Variants in KDM4D observed in about 807,000 individuals in gnomAD.
KDM4D encodes the protein lysine-specific demethylase 4D.
For missense variants in KDM4D, 427 were observed against 674.8 expected, an observed-to-expected ratio of 0.63 and a Z score of 4.07; for synonymous variants, 254 against 249.1, an observed-to-expected ratio of 1.02 and a Z score of -0.19.
At chr11:94,985,796 A>G (rs1355163534) in intron 2 of KDM4D, among the ~76,000 whole-genome samples, 3 of 152,230 alleles carry the variant, frequency 2.0e-5, no homozygotes, top group Admixed American at 6.5e-5. Flanking sequence ...ATTTTCAACA[A>G]AAGTTTCAAG....
rs371637822 is a variant in KDM4D at position 94,998,886 on chromosome 11, G to T, written c.1514G>T (p.Ser505Ile). 17 of 1,520,952 alleles carry T rather than the reference G, an allele frequency of 1.1e-5. No homozygotes were observed. Among genetic ancestry groups the T allele is most frequent in the Non-Finnish European group, 1.5e-5 (17 of 1,134,794 alleles). 94.2% of individuals were successfully genotyped at this position (1,520,952 alleles called of 1,614,324 possible). ...GALMDKPVPL[S>I]PGLQHPVKAS... ...TTGATGGACAAGCCTGTACCACTGA[G>T]CCCAGGGCTCCAGCATCCTGTCAAG... The change falls in exon 3 of 3, where the codon AGC (serine) becomes ATC (isoleucine). Residue 505 changes from serine to isoleucine, a missense_variant. Transcript: ENST00000335080. This position sits in a 1 kb window ranked among gnomAD's most constrained non-coding sequence, Gnocchi z 6.7.
At chr11:94,992,642 A>G (rs1857944899) in intron 2 of KDM4D, among the ~76,000 whole-genome samples, 1 of 152,134 alleles carries the variant, frequency 6.6e-6, no homozygotes. Flanking sequence ...AAATTCTATA[A>G]TGTAATTTCA....
intron 2 of KDM4D, among the ~76,000 whole-genome samples, chr11:94,978,336 TTAAAA>T (rs1252320327): frequency 6.6e-6 from 1 of 152,212 alleles, no homozygotes; most frequent in African/African-American, 2.4e-5. Context: ...AAATTACATT[TTAAAA>T]TAAAGTAACA....
At position 94,996,019 on chromosome 11, in the gene KDM4D, G is replaced by C. The variant is rs185464941; in HGVS notation, c.-349-1005G>C. Among the ~76,000 whole-genome samples the C allele has an allele frequency of 2.0e-4, 31 of 152,306 alleles. No homozygotes were observed. The East Asian group carries it at 5.4e-3, about 26-fold the overall frequency. On this transcript the variant is annotated intron_variant, in intron 2 of 2. Transcript: ENST00000335080. The stretch of plus-strand genomic sequence containing the variant: ...AGGGATAGGGGACACATACTGCAAA[G>C]TCACACGGTATGAGTTAAGGAAACA...
intron 2 of KDM4D, 140 bp from the exon 3 acceptor site, chr11:94,996,884 C>T (rs1327621835): frequency 1.3e-5 from 2 of 152,484 alleles, no homozygotes; most frequent in Non-Finnish European, 2.9e-5. Context: ...TCCACATCCA[C>T]ACCTCCACTT....
intron 2 of KDM4D, among the ~76,000 whole-genome samples, chr11:94,985,642 G>A (rs1181965217): frequency 6.6e-6 from 1 of 151,776 alleles, no homozygotes; most frequent in African/African-American, 2.4e-5. Flanking sequence ...TGAAAAAAAA[G>A]AAAAGAATTT....
At chr11:94,979,819 C>CAT (rs1444077904) in intron 2 of KDM4D, among the ~76,000 whole-genome samples, 1 of 152,088 alleles carries the variant, frequency 6.6e-6, no homozygotes, top group Non-Finnish European at 1.5e-5. Flanking sequence ...GTGCATTTTT[C>CAT]ATATATATAT....
At chr11:94,976,789 T>A (rs12366231) in intron 2 of KDM4D, among the ~76,000 whole-genome samples, 66,603 of 151,760 alleles carry the variant, frequency 0.44, 15,584 homozygotes, top group Non-Finnish European at 0.53. Context: ...TTAAACAAAA[T>A]CAACACCTAA....
At chr11:94,989,703 G>A (rs1011765813) in intron 2 of KDM4D, among the ~76,000 whole-genome samples, 7 of 150,688 alleles carry the variant, frequency 4.6e-5, no homozygotes, top group Non-Finnish European at 1.0e-4. Context: ...GGCACAAAAG[G>A]TACAGGAAAA....
intron 2 of KDM4D, among the ~76,000 whole-genome samples, chr11:94,979,381 C>T (rs1159998865): frequency 6.6e-6 from 1 of 152,054 alleles, no homozygotes; most frequent in East Asian, 1.9e-4. Context: ...AGGTGCGTGC[C>T]ACCATGCCTG....
At chr11:94,979,820 A>T (rs1333926959) in intron 2 of KDM4D, among the ~76,000 whole-genome samples, 1 of 152,166 alleles carries the variant, frequency 6.6e-6, no homozygotes, top group Non-Finnish European at 1.5e-5. Flanking sequence ...TGCATTTTTC[A>T]TATATATATT....
intron 2 of KDM4D, among the ~76,000 whole-genome samples, chr11:94,992,181 A>G (rs1857940673): frequency 6.6e-6 from 1 of 152,112 alleles, no homozygotes; most frequent in Non-Finnish European, 1.5e-5. Context: ...AAAACATGAA[A>G]AATATTACAA....
intron 2 of KDM4D, among the ~76,000 whole-genome samples, chr11:94,995,584 T>C (rs1857969189): frequency 6.6e-6 from 1 of 152,102 alleles, no homozygotes; most frequent in Admixed American, 6.5e-5. Context: ...TGAAGTTGAA[T>C]AATAGCATAA....
intron 2 of KDM4D, among the ~76,000 whole-genome samples, chr11:94,991,246 A>G (rs1857931818): frequency 6.6e-6 from 1 of 152,164 alleles, no homozygotes; most frequent in Admixed American, 6.5e-5. Context: ...AAAACAATTC[A>G]TGTACCCTGA....
chr11:94,985,854 C>A (rs1196051000), intron 2 of KDM4D, among the ~76,000 whole-genome samples: 1 of 152,152 alleles, frequency 6.6e-6, no homozygotes, highest in Non-Finnish European at 1.5e-5. Context: ...AACTCGATAT[C>A]CACATACAAA....
intron 2 of KDM4D, among the ~76,000 whole-genome samples, chr11:94,979,050 A>G (rs1360596757): frequency 6.6e-6 from 1 of 152,202 alleles, no homozygotes. Context: ...ATGTGTGTAC[A>G]TATATGTGTG....
intron 2 of KDM4D, among the ~76,000 whole-genome samples, chr11:94,977,711 T>C (rs1857809707): frequency 6.6e-6 from 1 of 152,134 alleles, no homozygotes; most frequent in African/African-American, 2.4e-5. Flanking sequence ...CATGACCCTA[T>C]ATAATTTAGT....
At chr11:94,978,894 C>T (rs1555097276) in intron 2 of KDM4D, among the ~76,000 whole-genome samples, 2 of 152,082 alleles carry the variant, frequency 1.3e-5, no homozygotes, top group African/African-American at 4.8e-5. Flanking sequence ...GACATGTATG[C>T]AGCTAATGAC....
At chr11:94,987,504 A>G (rs1329709717) in intron 2 of KDM4D, among the ~76,000 whole-genome samples, 2 of 152,222 alleles carry the variant, frequency 1.3e-5, no homozygotes, top group African/African-American at 2.4e-5. Context: ...CTTATCTTCA[A>G]CTACTGACAG....
Sources: gnomAD v4.1 joint callset for allele counts (sites outside exome capture counted in the v4.1 genomes callset) on GRCh38, gnomAD v4.1.1 for gene constraint, Gnocchi (gnomAD v3.1) non-coding constraint, MANE v1.5 for transcripts, NCBI Gene and HGNC (gene_info 2026-07-23, HGNC 2026-07-21) for gene names.